Variants in XBP1 observed in about 807,000 individuals in gnomAD.
The protein encoded by XBP1 is X-box-binding protein 1.
A neutral mutation model predicts 34.6 loss-of-function variants in XBP1; 18 were observed. That is an observed-to-expected ratio of 0.52 (90% CI 0.36 to 0.77). The LOEUF (loss-of-function observed/expected upper bound fraction) is 0.77, where lower values mean the gene tolerates loss of function less well. Among genes scored for constraint, XBP1 ranks in the 30% least tolerant of loss-of-function variants. The pLI is 0.00. For missense variants in XBP1, 422 were observed against 464.6 expected, an observed-to-expected ratio of 0.91 and a Z score of 0.84; for synonymous variants, 191 against 193.4, an observed-to-expected ratio of 0.99 and a Z score of 0.11.
exon 2 of XBP1, chr22:28,799,132 T>A: frequency 6.2e-7 from 1 of 1,614,110 alleles, no homozygotes; most frequent in Non-Finnish European, 8.5e-7. Context: ...CAGTCTGAGC[T>A]GCTACTCTGT....
intron 1 of XBP1, 129 bp downstream of exon 1, chr22:28,800,169 C>A: frequency 8.8e-7 from 1 of 1,134,494 alleles, no homozygotes; most frequent in Non-Finnish European, 1.3e-6. Context: ...CTGGCACCGA[C>A]CCGCCAGGCC....
At chr22:28,798,055 T>C (rs1248153452) in intron 2 of XBP1, among the ~76,000 whole-genome samples, 2 of 152,142 alleles carry the variant, frequency 1.3e-5, no homozygotes, top group Non-Finnish European at 2.9e-5. Flanking sequence ...CAATTTAAGA[T>C]TGATTAACAG....
rs566427359 is a variant in XBP1, at chr22:28,797,800, A to G, written c.325-595T>C. Among the ~76,000 whole-genome samples the G allele has an allele frequency of 3.2e-4, 48 of 150,036 alleles. No individual in the cohort carries two copies. In the South Asian group the frequency reaches 4.2e-3, roughly 13 times the overall value. On this transcript the variant is annotated intron_variant, in intron 2 of 5. Coordinates refer to ENST00000344347, the Ensembl canonical transcript of XBP1. The stretch of plus-strand genomic sequence containing the variant: ...TCCATCTCAAAATAATGATGATGAT[A>G]ATAATAATAATAATAATATAAAATA...
rs1480031509 is a variant in XBP1, at chr22:28,796,026, A to G, written c.573+21T>C. ...AATTAACTGGTTATATAGCTCTTTA[A>G]TAAGTCAGAATGATCCCTACCTCTG... On this transcript the variant is annotated intron_variant, in intron 5 of 5. Coordinates refer to ENST00000344347, the Ensembl canonical transcript of XBP1. 14 of 1,613,932 alleles carry G rather than the reference A, an allele frequency of 8.7e-6. No homozygotes were observed. The East Asian group carries it at 1.8e-4, about 21-fold the overall frequency.
exon 2 of XBP1, chr22:28,799,072 T>C: frequency 6.2e-7 from 1 of 1,614,102 alleles, no homozygotes; most frequent in South Asian, 1.1e-5. Flanking sequence ...CTTCTAAATC[T>C]ACCACTTGCT....
chr22:28,794,618 G>A (rs1247178369), downstream of XBP1: 2 of 152,290 alleles, frequency 1.3e-5, no homozygotes, highest in African/African-American at 4.8e-5. Flanking sequence ...GCACCTTTCA[G>A]AAGCTACACT....
At chr22:28,796,943 T>A (rs2031762132) in intron 3 of XBP1, 134 bp downstream of exon 3, 5 of 1,183,572 alleles carry the variant, frequency 4.2e-6, no homozygotes, top group Non-Finnish European at 5.8e-6. Context: ...TCTGCCTGCA[T>A]GAAAATGTCT....
chr22:28,799,978 G>A (rs780890207), intron 1 of XBP1: 64 of 779,374 alleles, frequency 8.2e-5, no homozygotes, highest in Non-Finnish European at 1.5e-4. Context: ...CGAGTTAAGA[G>A]GCTGAACCAC....
intron 3 of XBP1, chr22:28,796,568 G>A: frequency 5.4e-6 from 1 of 185,220 alleles, no homozygotes; most frequent in Non-Finnish European, 1.1e-5. Flanking sequence ...CCTTCACAGA[G>A]TAAAACTGTG....
At chr22:28,796,360 A>G in intron 3 of XBP1, 168 bp from the exon 4 acceptor site, 1 of 594,606 alleles carries the variant, frequency 1.7e-6, no homozygotes, top group South Asian at 3.7e-5. Context: ...GAAGAGCAAG[A>G]TAAGATATTT....
At chr22:28,800,397 T>G in exon 1 of XBP1, 8 of 1,529,214 alleles carry the variant, frequency 5.2e-6, no homozygotes, top group Non-Finnish European at 7.0e-6. Context: ...GGCCCCTCTC[T>G]GGGCTGGCAC....
chr22:28,800,375 T>C, exon 1 of XBP1: 1 of 1,539,726 alleles, frequency 6.5e-7, no homozygotes, highest in Non-Finnish European at 8.7e-7. Flanking sequence ...CCCCGCTCGC[T>C]GCCTCCGGGC....
chr22:28,795,413 A>G (rs1302623210), exon 6 of XBP1: 4 of 1,570,392 alleles, frequency 2.5e-6, no homozygotes, highest in Non-Finnish European at 3.5e-6. Context: ...CACTGAGACA[A>G]TGAATTCAGG....
chr22:28,797,857 A>T (rs1381695596), intron 2 of XBP1, among the ~76,000 whole-genome samples: 1 of 151,930 alleles, frequency 6.6e-6, no homozygotes, highest in African/African-American at 2.4e-5. Context: ...CTGGCAGGTA[A>T]TAATAAAAGT....
rs1224402268 is a variant in XBP1 at position 28,795,989 on chromosome 22, T to G, written c.573+58A>C. On this transcript the variant is annotated intron_variant, in intron 5 of 5. Coordinates refer to ENST00000344347, the Ensembl canonical transcript of XBP1. ...TCTGTCTAGTTAGGGATGTCAAGCA[T>G]CAAACAGATGGAATTAACTGGTTAT... 11 of 1,603,764 alleles carry G rather than the reference T, an allele frequency of 6.9e-6. No homozygotes were observed. The East Asian group carries it at 2.2e-4, about 33-fold the overall frequency.
upstream of XBP1, chr22:28,800,561 C>T (rs1280191052): frequency 2.7e-6 from 4 of 1,464,562 alleles, no homozygotes; most frequent in Admixed American, 5.2e-5. Context: ...CGCGCCGCAG[C>T]CGCCCAGCGC....
At chr22:28,798,466 A>G (rs972727959) in intron 2 of XBP1, among the ~76,000 whole-genome samples, 1 of 150,680 alleles carries the variant, frequency 6.6e-6, no homozygotes, top group Non-Finnish European at 1.5e-5. Context: ...CTGCCACGAC[A>G]CCCGGCTAAT....
intron 1 of XBP1, 50 bp from the exon 2 acceptor site, chr22:28,799,203 TG>T (rs1433613625): frequency 9.7e-6 from 14 of 1,442,030 alleles, no homozygotes; most frequent in Non-Finnish European, 9.6e-6. Context: ...ACCTTATTTA[TG>T]TCTTTATTTG....
exon 2 of XBP1, chr22:28,799,071 C>G (rs771590599): frequency 8.1e-6 from 13 of 1,614,082 alleles, no homozygotes; most frequent in Admixed American, 5.0e-5. Flanking sequence ...TCTTCTAAAT[C>G]TACCACTTGC....
Sources: allele counts gnomAD v4.1 joint callset (sites outside exome capture counted in the v4.1 genomes callset), GRCh38; gene constraint gnomAD v4.1.1; transcripts MANE v1.5; gene names NCBI Gene and HGNC (gene_info 2026-07-23, HGNC 2026-07-21).